The following SPSB1 variants were observed in gnomAD, a reference collection of about 807,000 sequenced individuals.
SPSB1 encodes splA/ryanodine receptor domain and SOCS box containing 1, also known as SPRY domain-containing SOCS box protein 1.
In SPSB1, 8 loss-of-function variants were observed where a neutral mutation model predicts 21.2. That is an observed-to-expected ratio of 0.38 (90% CI 0.22 to 0.68). The LOEUF (loss-of-function observed/expected upper bound fraction) is 0.68, where lower values mean the gene tolerates loss of function less well. SPSB1 is among the 30% of genes least tolerant of loss of function. SPSB1 has a pLI of 0.53. For missense variants in SPSB1, 242 were observed against 377.8 expected, an observed-to-expected ratio of 0.64 and a Z score of 2.98; for synonymous variants, 169 against 161.7, an observed-to-expected ratio of 1.05 and a Z score of -0.34.
intron 1 of SPSB1, among the ~76,000 whole-genome samples, chr1:9,318,623 G>A (rs1480917334): frequency 6.6e-6 from 1 of 152,222 alleles, no homozygotes; most frequent in African/African-American, 2.4e-5. Flanking sequence ...CTTACCTTGC[G>A]GAATCGTGCA....
Position 9,321,845 on chromosome 1 carries a change from T to C in SPSB1, c.-150+28774T>C, listed in dbSNP as rs1353136760. ...GAGAGGCTCTTCAGTGGCAGAAGTA[T>C]CTTGGGTGGTGTTTTATGGGCAGAG... On this transcript the variant is annotated intron_variant, in intron 1 of 2. Coordinates refer to ENST00000328089, the MANE Select transcript of SPSB1 (RefSeq NM_025106.4). This position sits in a 1 kb window ranked among gnomAD's most constrained non-coding sequence, Gnocchi z 4.8. Among the ~76,000 whole-genome samples the C allele has an allele frequency of 2.0e-5, 3 of 152,120 alleles. No homozygotes were observed. Among genetic ancestry groups the C allele is most frequent in the East Asian group, 1.9e-4 (1 of 5,176 alleles).
chr1:9,339,345 T>C (rs1473990082), intron 1 of SPSB1: 1 of 967,306 alleles, frequency 1.0e-6, no homozygotes, highest in Admixed American at 6.2e-5. Flanking sequence ...GGACTTCAGC[T>C]AGGACTTAGG....
intron 2 of SPSB1, among the ~76,000 whole-genome samples, chr1:9,359,848 G>GGC (rs1553128811): frequency 1.9e-4 from 7 of 36,304 alleles, no homozygotes; most frequent in East Asian, 1.1e-3. Flanking sequence ...GATGGAAGCC[G>GGC]GGGGGGTGGG....
chr1:9,337,756 C>T (rs370636037), intron 1 of SPSB1, among the ~76,000 whole-genome samples: 1 of 152,220 alleles, frequency 6.6e-6, no homozygotes, highest in African/African-American at 2.4e-5. Flanking sequence ...AAGGATGAAC[C>T]TCCCTGCTCC....
In SPSB1 at chr1:9,317,491, C is replaced by G. The variant is rs917325075; in HGVS notation, c.-150+24420C>G. Among the ~76,000 whole-genome samples the G allele has an allele frequency of 4.6e-5, 7 of 152,002 alleles. No homozygotes were observed. The highest frequency in any genetic ancestry group is 5.9e-5 in the Non-Finnish European group (4 of 68,002). On this transcript the variant is annotated intron_variant, in intron 1 of 2. Transcript: ENST00000328089. The surrounding 1 kb of genome is among the most constrained non-coding windows in gnomAD (Gnocchi z 4.3). ...AGGTGAGAACAGACAGGTTTTTTGT[C>G]GTTTGTTTTTGAGACAGAGTCTTGC...
intron 1 of SPSB1, among the ~76,000 whole-genome samples, chr1:9,352,337 A>G (rs1230366098): frequency 1.3e-5 from 2 of 152,088 alleles, no homozygotes; most frequent in Non-Finnish European, 1.5e-5. Context: ...CACCATCCGG[A>G]TAATGCCTGC....
chr1:9,308,460 A>G (rs1198947146), intron 1 of SPSB1, among the ~76,000 whole-genome samples: 1 of 152,226 alleles, frequency 6.6e-6, no homozygotes, highest in Non-Finnish European at 1.5e-5. Context: ...CTAAGCTGTC[A>G]TCAACTGGGG....
chr1:9,303,047 C>T (rs9725856), intron 1 of SPSB1, among the ~76,000 whole-genome samples: 1 of 152,120 alleles, frequency 6.6e-6, no homozygotes, highest in African/African-American at 2.4e-5. Context: ...CTTCTTTGGG[C>T]TCCCTGTGCC....
chr1:9,367,754 G>C lies in SPSB1; in HGVS notation c.*179G>C. On this transcript the variant is annotated 3_prime_UTR_variant, in exon 3 of 3. Coordinates refer to ENST00000328089, the MANE Select transcript of SPSB1 (RefSeq NM_025106.4). The surrounding 1 kb of genome is among the most constrained non-coding windows in gnomAD (Gnocchi z 5.9). ...GGGACAAGGACCGATTCCAACACAG[G>C]CTCCTCTTTCCCCCTTCCCGACATC... 1 of 926,564 alleles carries C rather than the reference G, an allele frequency of 1.1e-6. No individual in the cohort carries two copies. The highest frequency in any genetic ancestry group is 1.6e-6 in the Non-Finnish European group (1 of 637,220). The allele number at this position is 926,564 out of a possible 1,614,324, so 57.4% of individuals were successfully genotyped here. A position where few individuals can be genotyped will look rare whatever the true frequency, so the allele number is the denominator to read the frequency against.
At chr1:9,295,732 T>C (rs890086856) in intron 1 of SPSB1, among the ~76,000 whole-genome samples, 1 of 152,136 alleles carries the variant, frequency 6.6e-6, no homozygotes, top group African/African-American at 2.4e-5. Context: ...TCCTCCTGGG[T>C]GGATGGAAAC....
At position 9,331,122 on chromosome 1, in the gene SPSB1, G is replaced by A. The variant is rs145426139; in HGVS notation, c.-149-24621G>A. Among the ~76,000 whole-genome samples the A allele has an allele frequency of 5.3e-3, 805 of 152,104 alleles. 7 individuals carry two copies. Among genetic ancestry groups the A allele is most frequent in the African/African-American group, 0.018 (753 of 41,456 alleles). Reference sequence around the variant, plus strand: ...CTCTCCCCGCTGAATGCTTGTGGAAGTGTCTCCAGGCTCACTGATGTGGTT... The same window carrying A: ...CTCTCCCCGCTGAATGCTTGTGGAAATGTCTCCAGGCTCACTGATGTGGTT... On this transcript the variant is annotated intron_variant, in intron 1 of 2. Transcript: ENST00000328089.
rs1322245142 is a variant in SPSB1, at chr1:9,317,957, C to T, written c.-150+24886C>T. Among the ~76,000 whole-genome samples, 1 of 152,050 alleles carries T rather than the reference C, an allele frequency of 6.6e-6. No homozygotes were observed. Among genetic ancestry groups the T allele is most frequent in the African/African-American group, 2.4e-5 (1 of 41,392 alleles). ...GTTAAGGGCCCCTGTGTGCCAGGCT[C>T]GGCCCGAGCATCTGTGGAACCAGAG... On this transcript the variant is annotated intron_variant, in intron 1 of 2. Transcript: ENST00000328089. This position sits in a 1 kb window ranked among gnomAD's most constrained non-coding sequence, Gnocchi z 4.3.
At position 9,346,726 on chromosome 1, in the gene SPSB1, G is replaced by T. The variant is rs1415784274; in HGVS notation, c.-149-9017G>T. ...CACCTCCTCCTCTTCCCTGGCGTTG[G>T]TCTATCAGGGGTGGAACAGCCACCG... On this transcript the variant is annotated intron_variant, in intron 1 of 2. Coordinates refer to ENST00000328089, the MANE Select transcript of SPSB1 (RefSeq NM_025106.4). This position sits in a 1 kb window ranked among gnomAD's most constrained non-coding sequence, Gnocchi z 4.4. Among the ~76,000 whole-genome samples, 2 of 152,110 alleles carry T rather than the reference G, an allele frequency of 1.3e-5. No homozygotes were observed. Among genetic ancestry groups the T allele is most frequent in the Non-Finnish European group, 1.5e-5 (1 of 68,026 alleles).
At chr1:9,311,273 G>A (rs998633158) in intron 1 of SPSB1, among the ~76,000 whole-genome samples, 5 of 151,660 alleles carry the variant, frequency 3.3e-5, no homozygotes, top group East Asian at 3.9e-4. Flanking sequence ...AGACAGGGCC[G>A]ACCCAGGAGG....
At chr1:9,347,345 AATC>A (rs1275524777) in intron 1 of SPSB1, among the ~76,000 whole-genome samples, 7 of 152,218 alleles carry the variant, frequency 4.6e-5, no homozygotes, top group Admixed American at 4.6e-4. Context: ...TAGTGTGTGA[AATC>A]ATTGTTTCTC....
At position 9,346,458 on chromosome 1, in the gene SPSB1, A is replaced by G. The variant is rs1261130765; in HGVS notation, c.-149-9285A>G. ...GTCTGTCCCCAGTCGCTTTGGCTAC[A>G]TCCCCAAAAGAGGGTGTAGCCGTTC... On this transcript the variant is annotated intron_variant, in intron 1 of 2. Transcript: ENST00000328089. This position sits in a 1 kb window ranked among gnomAD's most constrained non-coding sequence, Gnocchi z 4.4. Among the ~76,000 whole-genome samples, 1 of 152,150 alleles carries G rather than the reference A, an allele frequency of 6.6e-6. No individual in the cohort carries two copies. Among genetic ancestry groups the G allele is most frequent in the East Asian group, 1.9e-4 (1 of 5,190 alleles).
At chr1:9,364,516 C>T (rs180850085) in intron 2 of SPSB1, among the ~76,000 whole-genome samples, 10 of 152,160 alleles carry the variant, frequency 6.6e-5, no homozygotes, top group Admixed American at 2.0e-4. Context: ...GTGTTTTACC[C>T]GAGGGAAACC....
At chr1:9,323,870 G>C (rs530178721) in intron 1 of SPSB1, among the ~76,000 whole-genome samples, 1 of 152,178 alleles carries the variant, frequency 6.6e-6, no homozygotes, top group African/African-American at 2.4e-5. Flanking sequence ...CTTGGAACCC[G>C]AGCCTTCTCC....
chr1:9,353,718 A>C (rs890763718), intron 1 of SPSB1, among the ~76,000 whole-genome samples: 1 of 152,096 alleles, frequency 6.6e-6, no homozygotes, highest in African/African-American at 2.4e-5. Flanking sequence ...CAGGAGTTCG[A>C]GACCAGCCTG....
Sources: gnomAD v4.1 joint callset for allele counts (sites outside exome capture counted in the v4.1 genomes callset) on GRCh38, gnomAD v4.1.1 for gene constraint, Gnocchi (gnomAD v3.1) non-coding constraint, MANE v1.5 for transcripts, NCBI Gene and HGNC (gene_info 2026-07-23, HGNC 2026-07-21) for gene names.